ANKRD36B: variants seen among roughly 807,000 people sequenced by gnomAD.
The protein encoded by ANKRD36B is ankyrin repeat domain 36B, also known as ankyrin repeat domain-containing protein 36B.
ANKRD36B carries 37 observed loss-of-function variants against 135.7 expected under a neutral mutation model. The observed-to-expected ratio is 0.27, with a 90% CI of 0.21 to 0.36. ANKRD36B has a LOEUF of 0.36. Among genes scored for constraint, ANKRD36B ranks in the 10% least tolerant of loss-of-function variants. The probability of loss-of-function intolerance (pLI) is 1.00; values close to 1 mark genes in which losing one functional copy is unlikely to be tolerated. For missense variants in ANKRD36B, 549 were observed against 1,037.1 expected, an observed-to-expected ratio of 0.53 and a Z score of 6.46; for synonymous variants, 179 against 348.1, an observed-to-expected ratio of 0.51 and a Z score of 5.41.
In ANKRD36B at chr2:97,541,897, G is replaced by T. The variant is rs1423122136; in HGVS notation, c.1885+14C>A. 1 of 865,276 alleles carries T rather than the reference G, an allele frequency of 1.2e-6. No individual in the cohort carries two copies. The highest frequency in any genetic ancestry group is 2.8e-5 in the East Asian group (1 of 36,086). 53.6% of individuals were successfully genotyped at this position (865,276 alleles called of 1,614,324 possible). On this transcript the variant is annotated intron_variant, in intron 28 of 43. Transcript: ENST00000359901. ...TTTGATCGAACATTACATTAAAGGT[G>T]TATTCCAAAATACCTGTCCCACGTA... is the stretch of plus-strand genomic sequence containing the variant.
intron 6 of ANKRD36B, among the ~76,000 whole-genome samples, chr2:97,570,448 T>C (rs2081765510): frequency 6.6e-6 from 1 of 152,232 alleles, no homozygotes; most frequent in Admixed American, 6.5e-5. Context: ...TAGCTCACTG[T>C]ACCTAAACTG....
rs1168582528 is a variant in ANKRD36B, at chr2:97,523,272, G to T, written c.2407+54C>A. On this transcript the variant is annotated intron_variant, in intron 36 of 43. Transcript: ENST00000359901. The stretch of plus-strand genomic sequence containing the variant: ...TATGGTACAGTGTTAAGCAATGTGT[G>T]CATACATTGCTATAGGATTTTTAAA... 1.2e-5 allele frequency: 3 copies of T among 256,332 alleles called. No homozygotes were observed. In the East Asian group the frequency reaches 1.4e-4, roughly 12 times the overall value. 15.9% of individuals were successfully genotyped at this position (256,332 alleles called of 1,614,324 possible). A position where few individuals can be genotyped will look rare whatever the true frequency, so the allele number is the denominator to read the frequency against.
Position 97,538,167 on chromosome 2 carries a change from C to G in ANKRD36B, c.2089+1G>C, listed in dbSNP as rs2078986905. 3 of 1,129,758 alleles carry G rather than the reference C, an allele frequency of 2.7e-6. 1 individual carries two copies. In the African/African-American group the frequency reaches 5.0e-5, roughly 19 times the overall value. 70.0% of individuals were successfully genotyped at this position (1,129,758 alleles called of 1,614,324 possible). On this transcript the variant is annotated splice_donor_variant, in intron 32 of 43. Transcript: ENST00000359901. LOFTEE classifies it high-confidence loss of function. ...ACATTAAATGTATATTGCCAAATTA[C>G]CTGTTCCAGATTTCCCACCGCCCGT...
At chr2:97,550,339 AC>A (rs1452933864) in intron 18 of ANKRD36B, among the ~76,000 whole-genome samples, 1 of 151,824 alleles carries the variant, frequency 6.6e-6, no homozygotes, top group Non-Finnish European at 1.5e-5. Context: ...ACATATTTCT[AC>A]AAAGTAAAAC....
chr2:97,549,740 A>G lies in ANKRD36B; in HGVS notation c.1376-126T>C. 6.5e-6 allele frequency: 10 copies of G among 1,533,502 alleles called. No homozygotes were observed. In the South Asian group the frequency reaches 9.3e-5, roughly 14 times the overall value. The allele number at this position is 1,533,502 out of a possible 1,614,324, so 95.0% of individuals were successfully genotyped here. On this transcript the variant is annotated intron_variant, in intron 18 of 43. Coordinates refer to ENST00000359901, the MANE Select transcript of ANKRD36B (RefSeq NM_001393939.1). ...ATTAGCGTAGGCTTTGATGGCTTCTACTTTGTGTCTGCGGACTAGAACGTG... is the reference window on the plus strand; with the variant it reads ...ATTAGCGTAGGCTTTGATGGCTTCTGCTTTGTGTCTGCGGACTAGAACGTG...
chr2:97,556,191 G>A (rs537185047), intron 12 of ANKRD36B, among the ~76,000 whole-genome samples: 1 of 151,604 alleles, frequency 6.6e-6, no homozygotes, highest in Non-Finnish European at 1.5e-5. Context: ...AAAAGCTTTG[G>A]AAAAAAGCTA....
chr2:97,548,095 A>C (rs1272280104), intron 20 of ANKRD36B, among the ~76,000 whole-genome samples: 1 of 151,826 alleles, frequency 6.6e-6, no homozygotes, highest in Non-Finnish European at 1.5e-5. Flanking sequence ...ACATGATCCC[A>C]CATGTCTTTC....
At chr2:97,540,160 A>G in intron 29 of ANKRD36B, 41 bp downstream of exon 29, 1 of 954,956 alleles carries the variant, frequency 1.0e-6, no homozygotes, top group South Asian at 1.2e-5. Flanking sequence ...TTCATAGACT[A>G]TACAATTACT....
intron 43 of ANKRD36B, among the ~76,000 whole-genome samples, chr2:97,496,036 C>T (rs905711316): frequency 5.0e-5 from 5 of 100,174 alleles, no homozygotes; most frequent in African/African-American, 1.3e-4. Flanking sequence ...AGGCAACTTA[C>T]ATCAAACAGT....
chr2:97,493,829 TAG>T (rs1187941803), intron 43 of ANKRD36B, among the ~76,000 whole-genome samples: 2 of 82,262 alleles, frequency 2.4e-5, no homozygotes, highest in African/African-American at 6.6e-5. Flanking sequence ...GCACACGTAT[TAG>T]AATAACCAAA....
Position 97,525,496 on chromosome 2 carries a change from G to A in ANKRD36B, c.2266-2029C>T, listed in dbSNP as rs1421508985. ...GCGACGCAGAAGATGGGTGATTTCT[G>A]CATTTCCATCTGAGGTACCAGGTTC... On this transcript the variant is annotated intron_variant, in intron 35 of 43. Transcript: ENST00000359901. Among the ~76,000 whole-genome samples the A allele has an allele frequency of 4.1e-5, 4 of 96,442 alleles. 2 individuals are homozygous for A. The highest frequency in any genetic ancestry group is 1.1e-4 in the Non-Finnish European group (4 of 36,230). 63.3% of individuals were successfully genotyped at this position (96,442 alleles called of 152,430 possible).
At chr2:97,556,138 A>T (rs1368243265) in intron 12 of ANKRD36B, among the ~76,000 whole-genome samples, 1 of 151,930 alleles carries the variant, frequency 6.6e-6, no homozygotes, top group Non-Finnish European at 1.5e-5. Flanking sequence ...ATTTTCACTA[A>T]ATAGCTATTT....
rs2078559762 is a variant in ANKRD36B, at chr2:97,531,076, AAATC to A, written c.2265+1231_2265+1234del. Among the ~76,000 whole-genome samples, 2 of 94,186 alleles carry A rather than the reference AAATC, an allele frequency of 2.1e-5. 1 individual carries two copies. Among genetic ancestry groups the A allele is most frequent in the Non-Finnish European group, 5.6e-5 (2 of 35,530 alleles). 61.8% of individuals were successfully genotyped at this position (94,186 alleles called of 152,430 possible). A position where few individuals can be genotyped will look rare whatever the true frequency, so the allele number is the denominator to read the frequency against. On this transcript the variant is annotated intron_variant, in intron 35 of 43. Transcript: ENST00000359901. ...ACTGGGTATATACCCAAAGGACTAT[AAATC>A]ATGCTGCTATAAAGACACATGCACA...
At chr2:97,548,000 T>A (rs1398675939) in intron 20 of ANKRD36B, among the ~76,000 whole-genome samples, 2 of 151,812 alleles carry the variant, frequency 1.3e-5, no homozygotes, top group Non-Finnish European at 2.9e-5. Flanking sequence ...AATATCAACG[T>A]GGATATGCTG....
chr2:97,557,805 A>C (rs1250831091), intron 10 of ANKRD36B, among the ~76,000 whole-genome samples: 3 of 151,864 alleles, frequency 2.0e-5, no homozygotes, highest in Non-Finnish European at 4.4e-5. Flanking sequence ...AACAAATATA[A>C]TACATAAACC....
Position 97,532,498 on chromosome 2 carries a change from G to T in ANKRD36B, c.2192-114C>A. 2 of 451,702 alleles carry T rather than the reference G, an allele frequency of 4.4e-6. 1 individual carries two copies. Among genetic ancestry groups the T allele is most frequent in the Non-Finnish European group, 8.1e-6 (2 of 247,858 alleles). The allele number at this position is 451,702 out of a possible 1,614,324, so 28.0% of individuals were successfully genotyped here. A position where few individuals can be genotyped will look rare whatever the true frequency, so the allele number is the denominator to read the frequency against. On this transcript the variant is annotated intron_variant, in intron 34 of 43. Coordinates refer to ENST00000359901, the MANE Select transcript of ANKRD36B (RefSeq NM_001393939.1). ...AGCACTTTGGGAGGCTGAGGCGGGT[G>T]GATCACGAGGTCAGGAGATAGAGAC...
intron 43 of ANKRD36B, chr2:97,506,492 CAAGA>C (rs1398524934): frequency 4.2e-5 from 2 of 47,590 alleles, no homozygotes; most frequent in African/African-American, 8.5e-5. Context: ...AATAACTTGA[CAAGA>C]ACCACACTGA....
At chr2:97,567,249 A>T (rs1036557439) in intron 6 of ANKRD36B, among the ~76,000 whole-genome samples, 14 of 149,484 alleles carry the variant, frequency 9.4e-5, no homozygotes, top group African/African-American at 3.0e-4. Flanking sequence ...GCCTTCATGT[A>T]TTGGAGAGCA....
chr2:97,553,509 A>G, intron 14 of ANKRD36B, 138 bp from the exon 15 acceptor site: 1 of 1,118,018 alleles, frequency 8.9e-7, no homozygotes, highest in South Asian at 1.5e-5. Flanking sequence ...TTATGTCTTA[A>G]GCCAGGAGCA....
Sources: gnomAD v4.1 joint callset for allele counts (sites outside exome capture counted in the v4.1 genomes callset) on GRCh38, gnomAD v4.1.1 for gene constraint, MANE v1.5 for transcripts, NCBI Gene and HGNC (gene_info 2026-07-23, HGNC 2026-07-21) for gene names.